Variants in TENM4 observed in about 807,000 individuals in gnomAD.
TENM4 encodes the protein teneurin-4.
TENM4 carries 82 observed loss-of-function variants against 243.3 expected under a neutral mutation model. The ratio of observed to expected loss-of-function variants is 0.34; its 90% CI spans 0.28 to 0.40. The LOEUF (loss-of-function observed/expected upper bound fraction) is 0.40, where lower values mean the gene tolerates loss of function less well. Among genes scored for constraint, TENM4 ranks in the 10% least tolerant of loss-of-function variants. TENM4 has a pLI of 1.00. For synonymous variants in TENM4, 1,412 were observed against 1,456.3 expected (o/e 0.97, Z 0.69); for missense variants, 3,138 against 3,673.3 (o/e 0.85, Z 3.77).
intron 3 of TENM4, among the ~76,000 whole-genome samples, chr11:79,199,416 C>G (rs1863697350): frequency 6.6e-6 from 1 of 152,164 alleles, no homozygotes; most frequent in Non-Finnish European, 1.5e-5. Context: ...ATGTCCCTGA[C>G]TCGGAATGTG....
intron 1 of TENM4, among the ~76,000 whole-genome samples, chr11:79,330,024 G>A (rs901274434): frequency 1.3e-5 from 2 of 152,218 alleles, no homozygotes; most frequent in African/African-American, 4.8e-5. Context: ...AAGAGCAGTG[G>A]AGAGAGATCC....
chr11:79,106,372 G>C (rs1399495089), intron 4 of TENM4, among the ~76,000 whole-genome samples: 1 of 152,228 alleles, frequency 6.6e-6, no homozygotes, highest in Non-Finnish European at 1.5e-5. Context: ...GGGACAGGCA[G>C]TCCCAGGCTG....
chr11:79,126,655 G>A (rs949975809), intron 4 of TENM4, among the ~76,000 whole-genome samples: 4 of 152,080 alleles, frequency 2.6e-5, no homozygotes, highest in Non-Finnish European at 4.4e-5. Flanking sequence ...ATTCTAGGTC[G>A]AATGGACAAA....
intron 6 of TENM4, among the ~76,000 whole-genome samples, chr11:79,025,848 C>G (rs535208153): frequency 1.3e-5 from 2 of 152,132 alleles, no homozygotes; most frequent in South Asian, 4.2e-4. Flanking sequence ...CGATCTCTCT[C>G]GATTACAATG....
Position 78,903,496 on chromosome 11 carries a change from G to T in TENM4, c.521C>A (p.Ala174Glu). The T allele has an allele frequency of 6.5e-7, 1 of 1,547,610 alleles. No homozygotes were observed. The highest frequency in any genetic ancestry group is 8.7e-7 in the Non-Finnish European group (1 of 1,146,482). ...TDHPGGLQNH[A>E]RLRTPPPPLS... ...CGGCGGCGGCGGCGTCCGGAGCCGCGCGTGGTTCTGCAGGCCGCCCGGATG... is the reference window on the plus strand; with the variant it reads ...CGGCGGCGGCGGCGTCCGGAGCCGCTCGTGGTTCTGCAGGCCGCCCGGATG... The change falls in exon 7 of 34, where the codon GCG becomes GAG. Residue 174 changes from alanine (A) to glutamate (E), a missense_variant. Ala to Glu is a moderately radical substitution (Grantham distance 107). Around this residue, in one of 2 missense-constraint regions of TENM4, gnomAD observed 671 missense variants for 614.1 expected, o/e 1.09. Coordinates refer to ENST00000278550, the MANE Select transcript of TENM4 (RefSeq NM_001098816.3).
chr11:78,907,326 G>A (rs961835089), intron 6 of TENM4, among the ~76,000 whole-genome samples: 3 of 147,554 alleles, frequency 2.0e-5, no homozygotes, highest in African/African-American at 5.0e-5. Context: ...TTTATCCCCC[G>A]ACAAATATGC....
intron 4 of TENM4, among the ~76,000 whole-genome samples, chr11:79,106,474 C>T (rs977810206): frequency 6.6e-6 from 1 of 152,220 alleles, no homozygotes; most frequent in Non-Finnish European, 1.5e-5. Context: ...CAAAGATATG[C>T]TATCTTCCTG....
At chr11:79,109,236 AT>A (rs1861445418) in intron 4 of TENM4, among the ~76,000 whole-genome samples, 1 of 152,126 alleles carries the variant, frequency 6.6e-6, no homozygotes, top group African/African-American at 2.4e-5. Flanking sequence ...TTCACTTCTT[AT>A]TTTTAAAATA....
chr11:78,869,887 G>GAT (rs1859080531), intron 9 of TENM4, among the ~76,000 whole-genome samples: 1 of 152,166 alleles, frequency 6.6e-6, no homozygotes, highest in Non-Finnish European at 1.5e-5. Context: ...AGTTTGTTAA[G>GAT]AGGCTTTTTT....
chr11:79,299,171 A>T (rs1856510899), intron 1 of TENM4, among the ~76,000 whole-genome samples: 1 of 152,056 alleles, frequency 6.6e-6, no homozygotes, highest in Admixed American at 6.5e-5. Flanking sequence ...TACTATGCCA[A>T]CTCCCAGTGG....
chr11:78,801,398 G>A (rs752613932), intron 15 of TENM4, among the ~76,000 whole-genome samples: 14 of 152,180 alleles, frequency 9.2e-5, no homozygotes, highest in African/African-American at 1.9e-4. Flanking sequence ...CAGTTATGTC[G>A]TGTGATTTAT....
chr11:78,995,158 G>T (rs1354710575), intron 6 of TENM4, among the ~76,000 whole-genome samples: 1 of 152,178 alleles, frequency 6.6e-6, no homozygotes, highest in African/African-American at 2.4e-5. Context: ...GGAAGGAATA[G>T]AGTGAGGCCC....
Position 78,903,354 on chromosome 11 carries a change from G to A in TENM4, c.663C>T (p.Ser221=). The A allele has an allele frequency of 6.7e-7, 1 of 1,490,130 alleles. No individual in the cohort carries two copies. Among genetic ancestry groups the A allele is most frequent in the Non-Finnish European group, 8.9e-7 (1 of 1,120,896 alleles). The allele number at this position is 1,490,130 out of a possible 1,614,324, so 92.3% of individuals were successfully genotyped here. A position where few individuals can be genotyped will look rare whatever the true frequency, so the allele number is the denominator to read the frequency against. The change falls in exon 7 of 34, where the codon TCC becomes TCT. Residue 221 remains serine, a synonymous_variant. Coordinates refer to ENST00000278550, the MANE Select transcript of TENM4 (RefSeq NM_001098816.3). ...PSPAPTDHSL[S]GEPPAGGAQE... ...GGGCGCCGCCGGCAGGGGGCTCTCCGGAGAGCGAGTGGTCCGTGGGGGCCG... is the reference window on the plus strand; with the variant it reads ...GGGCGCCGCCGGCAGGGGGCTCTCCAGAGAGCGAGTGGTCCGTGGGGGCCG...
intron 3 of TENM4, among the ~76,000 whole-genome samples, chr11:79,194,721 G>C (rs183737634): frequency 2.2e-4 from 33 of 152,312 alleles, no homozygotes; most frequent in African/African-American, 7.5e-4. Context: ...AGTTTTATAA[G>C]GGAAACAGAG....
chr11:79,066,928 A>C (rs1261559840), intron 5 of TENM4, among the ~76,000 whole-genome samples: 3 of 152,222 alleles, frequency 2.0e-5, no homozygotes, highest in Admixed American at 1.3e-4. Flanking sequence ...CAGCTGGCTC[A>C]GGCTGGGACA....
intron 1 of TENM4, among the ~76,000 whole-genome samples, chr11:79,404,672 G>T (rs1858530353): frequency 6.6e-6 from 1 of 152,154 alleles, no homozygotes. Flanking sequence ...CGTGTGCTGA[G>T]CAAGGAGTCT....
intron 1 of TENM4, among the ~76,000 whole-genome samples, chr11:79,370,871 T>C (rs574406382): frequency 4.5e-4 from 65 of 145,286 alleles, no homozygotes; most frequent in Non-Finnish European, 7.3e-4. Context: ...TAGATGTACA[T>C]AGTTTGGGAA....
chr11:78,828,147 T>A (rs2136139287), intron 12 of TENM4, among the ~76,000 whole-genome samples: 1 of 152,360 alleles, frequency 6.6e-6, no homozygotes, highest in African/African-American at 2.4e-5. Flanking sequence ...ATCTTAAGGC[T>A]GGGCTCTCTC....
chr11:79,439,353 G>C (rs1859347733), intron 1 of TENM4, among the ~76,000 whole-genome samples: 1 of 151,950 alleles, frequency 6.6e-6, no homozygotes, highest in Admixed American at 6.6e-5. Context: ...TAGAGATCGG[G>C]TGGGGGCTTG....
Sources: allele counts gnomAD v4.1 joint callset (sites outside exome capture counted in the v4.1 genomes callset), GRCh38; gene constraint gnomAD v4.1.1; regional missense constraint gnomAD v4.1.1; transcripts MANE v1.5; gene names NCBI Gene and HGNC (gene_info 2026-07-23, HGNC 2026-07-21).